The following RAB3B variants were observed in gnomAD, a reference collection of about 807,000 sequenced individuals.
The protein encoded by RAB3B is RAB3B, member RAS oncogene family.
A neutral mutation model predicts 20.5 loss-of-function variants in RAB3B; 11 were observed. That is an observed-to-expected ratio of 0.54 (90% CI 0.34 to 0.89). The LOEUF is 0.89. Among genes scored for constraint, RAB3B ranks in the 40% least tolerant of loss-of-function variants. The pLI is 0.02. For synonymous variants in RAB3B, 99 were observed against 106.3 expected (o/e 0.93, Z 0.42); for missense variants, 225 against 280.9 (o/e 0.80, Z 1.42).
rs1684093953 is a variant in RAB3B at position 51,916,929 on chromosome 1, A to G, written c.*2998T>C. On this transcript the variant is annotated 3_prime_UTR_variant, in exon 5 of 5. Transcript: ENST00000371655. ...AATTGAATCCTAATGTGGCTTTAAC[A>G]CTCTCTTGGTATGTGATCCAAGTCT... 6.6e-6 allele frequency: 1 copy of G among 152,034 alleles called. No homozygotes were observed. The highest frequency in any genetic ancestry group is 2.4e-5 in the African/African-American group (1 of 41,386). 9.4% of individuals were successfully genotyped at this position (152,034 alleles called of 1,614,324 possible). A position where few individuals can be genotyped will look rare whatever the true frequency, so the allele number is the denominator to read the frequency against.
chr1:51,939,169 CCA>C (rs918524190), intron 2 of RAB3B, among the ~76,000 whole-genome samples: 3 of 152,196 alleles, frequency 2.0e-5, no homozygotes, highest in African/African-American at 4.8e-5. Context: ...TCCAAATTTT[CCA>C]CACAGTCCTC....
intron 1 of RAB3B, among the ~76,000 whole-genome samples, chr1:51,985,178 T>A (rs146878228): frequency 1.3e-5 from 2 of 152,330 alleles, no homozygotes; most frequent in East Asian, 3.9e-4. Context: ...AGGTACTGAA[T>A]ACATATTATT....
At chr1:51,974,319 A>G (rs1158387515) in intron 2 of RAB3B, among the ~76,000 whole-genome samples, 2 of 152,228 alleles carry the variant, frequency 1.3e-5, no homozygotes, top group Non-Finnish European at 2.9e-5. Flanking sequence ...AAGTGGTTCT[A>G]CAATGTTAGC....
intron 4 of RAB3B, among the ~76,000 whole-genome samples, chr1:51,925,957 C>T (rs548335294): frequency 5.1e-4 from 77 of 152,340 alleles, no homozygotes; most frequent in Non-Finnish European, 8.8e-4. Context: ...AGTAGAGGAG[C>T]AGCCCCTGCT....
At chr1:51,928,794 C>T (rs921299983) in intron 4 of RAB3B, among the ~76,000 whole-genome samples, 1 of 152,126 alleles carries the variant, frequency 6.6e-6, no homozygotes, top group African/African-American at 2.4e-5. Context: ...CATGCTTTAA[C>T]CCACATTGGG....
intron 3 of RAB3B, among the ~76,000 whole-genome samples, chr1:51,937,028 G>T (rs1172482050): frequency 6.6e-6 from 1 of 152,096 alleles, no homozygotes; most frequent in Admixed American, 6.5e-5. Flanking sequence ...TGGCTAGGCT[G>T]GTCTCAAACT....
chr1:51,927,720 T>C (rs1299393809), intron 4 of RAB3B, among the ~76,000 whole-genome samples: 16 of 152,184 alleles, frequency 1.1e-4, no homozygotes, highest in Non-Finnish European at 2.4e-4. Context: ...GGAAGATTGC[T>C]TGAGTCCCGT....
chr1:51,929,453 G>A (rs955037562), intron 4 of RAB3B, among the ~76,000 whole-genome samples: 3 of 151,760 alleles, frequency 2.0e-5, no homozygotes, highest in Admixed American at 6.6e-5. Context: ...TCAGCCTCCC[G>A]AGTAGCTGGG....
At chr1:51,968,735 C>T (rs1196604737) in intron 2 of RAB3B, among the ~76,000 whole-genome samples, 2 of 152,192 alleles carry the variant, frequency 1.3e-5, no homozygotes, top group Non-Finnish European at 2.9e-5. Flanking sequence ...GACTCCAAAG[C>T]CATGTTGTGA....
At chr1:51,945,143 A>C (rs1487454830) in intron 2 of RAB3B, among the ~76,000 whole-genome samples, 1 of 152,194 alleles carries the variant, frequency 6.6e-6, no homozygotes, top group Non-Finnish European at 1.5e-5. Context: ...GAAGGCTCAG[A>C]TGATTGTTAG....
chr1:51,927,624 GCAAA>G (rs1478872535), intron 4 of RAB3B, among the ~76,000 whole-genome samples: 5 of 151,956 alleles, frequency 3.3e-5, no homozygotes, highest in South Asian at 2.1e-4. Context: ...AAAAAAGCAA[GCAAA>G]CAAACAAGAA....
chr1:51,933,501 C>A, intron 3 of RAB3B, 59 bp from the exon 4 acceptor site: 1 of 1,492,094 alleles, frequency 6.7e-7, no homozygotes. Context: ...ATGTCTGTGT[C>A]CCCACCTCCA....
chr1:51,966,263 T>C (rs1216539247), intron 2 of RAB3B, among the ~76,000 whole-genome samples: 1 of 152,260 alleles, frequency 6.6e-6, no homozygotes, highest in East Asian at 1.9e-4. Context: ...CCCTCCTTTG[T>C]GAGACCTGCA....
At chr1:51,980,841 T>C in intron 1 of RAB3B, 1 of 719,300 alleles carries the variant, frequency 1.4e-6, no homozygotes, top group Non-Finnish European at 2.5e-6. Context: ...CCTTAAAGAC[T>C]GAAGATGGAC....
At chr1:51,962,401 T>C (rs1684796077) in intron 2 of RAB3B, among the ~76,000 whole-genome samples, 1 of 152,176 alleles carries the variant, frequency 6.6e-6, no homozygotes, top group Non-Finnish European at 1.5e-5. Flanking sequence ...TGCCAGGCAT[T>C]CAGAATAAGA....
intron 1 of RAB3B, among the ~76,000 whole-genome samples, chr1:51,978,423 CCTT>C (rs1266134156): frequency 2.0e-5 from 3 of 152,144 alleles, no homozygotes; most frequent in African/African-American, 7.2e-5. Flanking sequence ...GAACATATGT[CCTT>C]ATTATTCCAA....
chr1:51,970,461 G>A (rs186919145), intron 2 of RAB3B, among the ~76,000 whole-genome samples: 10 of 152,236 alleles, frequency 6.6e-5, no homozygotes, highest in Admixed American at 1.3e-4. Flanking sequence ...AACAAAGGGA[G>A]CTCTCAGGGA....
At position 51,912,555 on chromosome 1, in the gene RAB3B, ATATAT is replaced by A. The variant is rs1209598313; in HGVS notation, c.*7367_*7371del. The A allele has an allele frequency of 1.5e-4, 3 of 20,052 alleles. 1 individual carries two copies. The highest frequency in any genetic ancestry group is 5.1e-4 in the African/African-American group (3 of 5,874). The allele number at this position is 20,052 out of a possible 1,614,324, so 1.2% of individuals were successfully genotyped here. A position where few individuals can be genotyped will look rare whatever the true frequency, so the allele number is the denominator to read the frequency against. The stretch of plus-strand genomic sequence containing the variant: ...GACCGTCTCTATTAAAAAAAAAAAA[ATATAT>A]ATATATATATATATATATATATATA... On this transcript the variant is annotated 3_prime_UTR_variant, in exon 5 of 5. Coordinates refer to ENST00000371655, the MANE Select transcript of RAB3B (RefSeq NM_002867.4).
At position 51,920,113 on chromosome 1, in the gene RAB3B, C is replaced by A. The variant is rs758493885; in HGVS notation, c.474G>T (p.Gly158=). ...TTGCACTGGCTTCAAAGAAATCAAA[C>A]CCTGGAAAGAGGAGAGATACAGATA... The part of the protein sequence containing the change: ...EKGQLLAEQL[G]FDFFEASAKE... Residue 158 remains glycine (G), a splice_region_variant and synonymous_variant, in exon 5 of 5, where the codon GGG becomes GGT. Coordinates refer to ENST00000371655, the MANE Select transcript of RAB3B (RefSeq NM_002867.4). The A allele has an allele frequency of 8.1e-6, 13 of 1,606,164 alleles. No individual in the cohort carries two copies. The East Asian group carries it at 2.7e-4, about 33-fold the overall frequency.
Sources: allele counts gnomAD v4.1 joint callset (sites outside exome capture counted in the v4.1 genomes callset), GRCh38; gene constraint gnomAD v4.1.1; transcripts MANE v1.5; gene names NCBI Gene and HGNC (gene_info 2026-07-23, HGNC 2026-07-21).